The following FAM135B variants were observed in gnomAD, a reference collection of about 807,000 sequenced individuals.
FAM135B encodes the protein protein FAM135B.
A neutral mutation model predicts 127.7 loss-of-function variants in FAM135B; 43 were observed. The ratio of observed to expected loss-of-function variants is 0.34; its 90% CI spans 0.26 to 0.43. The LOEUF (loss-of-function observed/expected upper bound fraction) is 0.43. Ranked by LOEUF, FAM135B falls within the 20% of genes least tolerant of loss-of-function variation. The pLI is 1.00. For missense variants in FAM135B, 1,558 were observed against 1,725.6 expected (o/e 0.90, Z 1.72); for synonymous variants, 670 against 665.1 (o/e 1.01, Z -0.11).
intron 13 of FAM135B, among the ~76,000 whole-genome samples, chr8:138,150,239 T>C (rs1818011530): frequency 6.6e-6 from 1 of 152,154 alleles, no homozygotes. Flanking sequence ...AGCCCCACAA[T>C]GTTAAAGGGT....
chr8:138,405,022 C>A (rs1833379627), intron 1 of FAM135B, among the ~76,000 whole-genome samples: 1 of 152,052 alleles, frequency 6.6e-6, no homozygotes. Context: ...GTAGAGGAAT[C>A]ACTACCTATT....
chr8:138,287,771 C>A (rs1824809675), intron 3 of FAM135B, among the ~76,000 whole-genome samples: 1 of 152,204 alleles, frequency 6.6e-6, no homozygotes, highest in Non-Finnish European at 1.5e-5. Flanking sequence ...GTGAGTAACA[C>A]AAGCTGGCTG....
At chr8:138,220,516 A>G (rs147623229) in intron 7 of FAM135B, among the ~76,000 whole-genome samples, 163 of 152,286 alleles carry the variant, frequency 1.1e-3, no homozygotes, top group African/African-American at 3.8e-3. Context: ...TTCATCTTAA[A>G]AATGAGATTA....
At chr8:138,170,031 C>CCAAAATCCTGTGCATGACT (rs1820288096) in intron 11 of FAM135B, among the ~76,000 whole-genome samples, 1 of 152,068 alleles carries the variant, frequency 6.6e-6, no homozygotes, top group African/African-American at 2.4e-5. Context: ...TGGCTCTAGG[C>CCAAAATCCTGTGCATGACT]CAAAATCCTG....
intron 1 of FAM135B, among the ~76,000 whole-genome samples, chr8:138,377,728 A>C (rs763171721): frequency 1.1e-4 from 16 of 152,242 alleles, no homozygotes; most frequent in Non-Finnish European, 2.1e-4. Flanking sequence ...TGAGATAGCC[A>C]TACTCAAACC....
chr8:138,448,792 GA>G (rs558114908), intron 1 of FAM135B, among the ~76,000 whole-genome samples: 1,836 of 136,344 alleles, frequency 0.013, 15 homozygotes, highest in African/African-American at 0.028. Flanking sequence ...AACACAGGGG[GA>G]AAAAAAAAAA....
chr8:138,249,487 G>C (rs1237247496), intron 6 of FAM135B, among the ~76,000 whole-genome samples: 1 of 152,152 alleles, frequency 6.6e-6, no homozygotes, highest in African/African-American at 2.4e-5. Flanking sequence ...AGAATGTACT[G>C]CATATTCACT....
At chr8:138,420,567 T>C (rs1041461640) in intron 1 of FAM135B, among the ~76,000 whole-genome samples, 2 of 151,252 alleles carry the variant, frequency 1.3e-5, no homozygotes, top group African/African-American at 4.9e-5. Flanking sequence ...AAGAAAACAG[T>C]CCACTATCCT....
chr8:138,222,678 G>GT (rs33913656), intron 7 of FAM135B, among the ~76,000 whole-genome samples: 4,743 of 103,944 alleles, frequency 0.046, 112 homozygotes, highest in Admixed American at 0.071. Context: ...TGTTGGTGGT[G>GT]TTTTTTTTTT....
At chr8:138,404,736 A>C (rs912080461) in intron 1 of FAM135B, among the ~76,000 whole-genome samples, 2 of 152,140 alleles carry the variant, frequency 1.3e-5, no homozygotes, top group Non-Finnish European at 2.9e-5. Flanking sequence ...CTTCTCATCC[A>C]TCAAAGTTTT....
chr8:138,325,943 GT>G (rs1827774074), intron 2 of FAM135B, among the ~76,000 whole-genome samples: 1 of 152,110 alleles, frequency 6.6e-6, no homozygotes, highest in Non-Finnish European at 1.5e-5. Context: ...TACTGCTATG[GT>G]TATCTTTGCA....
chr8:138,253,268 C>T (rs1512404), intron 5 of FAM135B, among the ~76,000 whole-genome samples: 43,236 of 152,102 alleles, frequency 0.28, 7,419 homozygotes, highest in African/African-American at 0.49. Flanking sequence ...TGGGCCATGA[C>T]GTGAAGGAGT....
intron 12 of FAM135B, among the ~76,000 whole-genome samples, chr8:138,165,158 T>C (rs1467801987): frequency 6.6e-6 from 1 of 151,836 alleles, no homozygotes; most frequent in Non-Finnish European, 1.5e-5. Flanking sequence ...TTCACTCTTG[T>C]TGGCCAGGCT....
At chr8:138,472,714 TTGGCACCA>T (rs1314245426) in intron 1 of FAM135B, among the ~76,000 whole-genome samples, 2 of 152,204 alleles carry the variant, frequency 1.3e-5, no homozygotes, top group Non-Finnish European at 2.9e-5. Context: ...TGGATTTCAA[TTGGCACCA>T]TTCCACAACG....
intron 4 of FAM135B, among the ~76,000 whole-genome samples, chr8:138,258,803 C>CCACACACACACACACACACACACA (rs57817492): frequency 1.2e-4 from 17 of 146,634 alleles, no homozygotes; most frequent in African/African-American, 3.3e-4. Flanking sequence ...GACACACACA[C>CCACACACACACACACACACACACA]CACACACACA....
At position 138,449,725 on chromosome 8, in the gene FAM135B, C is replaced by T. The variant is rs535818238; in HGVS notation, c.-20+46946G>A. On this transcript the variant is annotated intron_variant, in intron 1 of 19. Coordinates refer to ENST00000395297, the MANE Select transcript of FAM135B (RefSeq NM_015912.4). ...GAAGGTATAGAGATTTCCCATAAAC[C>T]CCCTGTCCCCACACATTAGAACATC... Among the ~76,000 whole-genome samples, 3 of 152,110 alleles carry T rather than the reference C, an allele frequency of 2.0e-5. No individual in the cohort carries two copies. In the East Asian group the frequency reaches 5.8e-4, roughly 29 times the overall value.
chr8:138,213,395 T>C (rs1302748147), intron 7 of FAM135B, among the ~76,000 whole-genome samples: 2 of 152,184 alleles, frequency 1.3e-5, no homozygotes, highest in Non-Finnish European at 2.9e-5. Flanking sequence ...CAGCATGTCA[T>C]CTCATTTTCC....
intron 3 of FAM135B, among the ~76,000 whole-genome samples, chr8:138,299,566 T>TGTAC (rs1825721342): frequency 7.2e-6 from 1 of 138,838 alleles, no homozygotes; most frequent in Admixed American, 7.0e-5. Context: ...CGCATGCATG[T>TGTAC]ATACATACAC....
At chr8:138,230,651 T>G (rs1217515980) in intron 7 of FAM135B, among the ~76,000 whole-genome samples, 3 of 152,192 alleles carry the variant, frequency 2.0e-5, no homozygotes, top group African/African-American at 7.2e-5. Context: ...CTGAGTCTCC[T>G]TCTAGGAGAC....
Sources: gnomAD v4.1 joint callset for allele counts (sites outside exome capture counted in the v4.1 genomes callset) on GRCh38, gnomAD v4.1.1 for gene constraint, MANE v1.5 for transcripts, NCBI Gene and HGNC (gene_info 2026-07-23, HGNC 2026-07-21) for gene names.